The following SORCS1 variants were observed in gnomAD, a reference collection of about 807,000 sequenced individuals.
The protein encoded by SORCS1 is sortilin related VPS10 domain containing receptor 1.
A neutral mutation model predicts 146.1 loss-of-function variants in SORCS1; 60 were observed. The ratio of observed to expected loss-of-function variants is 0.41; its 90% CI spans 0.33 to 0.51. The LOEUF is 0.51. Ranked by LOEUF, SORCS1 falls within the 20% of genes least tolerant of loss-of-function variation. The pLI is 0.21. For synonymous variants in SORCS1, 637 were observed against 584.0 expected, an observed-to-expected ratio of 1.09 and a Z score of -1.31; for missense variants, 1,352 against 1,487.6, an observed-to-expected ratio of 0.91 and a Z score of 1.50.
At chr10:106,875,435 T>C (rs1470238546) in intron 2 of SORCS1, among the ~76,000 whole-genome samples, 2 of 152,194 alleles carry the variant, frequency 1.3e-5, no homozygotes, top group Non-Finnish European at 2.9e-5. Flanking sequence ...CATGTTCAGG[T>C]ATCTTGTTCA....
In SORCS1 at chr10:107,000,125, G is replaced by A. The variant is rs979089607; in HGVS notation, c.559-43545C>T. 2.6e-5 allele frequency among the ~76,000 whole-genome samples: 4 copies of A among 152,160 alleles called. No homozygotes were observed. In the East Asian group the frequency reaches 5.8e-4, roughly 22 times the overall value. ...CCTCTCCCCATCAGCAATTAAGTCC[G>A]CAGAATTAACAATGATTTGAAATAA... On this transcript the variant is annotated intron_variant, in intron 1 of 25. Transcript: ENST00000263054.
chr10:107,088,042 C>T (rs1963891455), intron 1 of SORCS1, among the ~76,000 whole-genome samples: 1 of 152,160 alleles, frequency 6.6e-6, no homozygotes, highest in African/African-American at 2.4e-5. Context: ...CCTCAGCCTC[C>T]CGAGTAGCTG....
intron 2 of SORCS1, among the ~76,000 whole-genome samples, chr10:106,942,781 T>C (rs1192042100): frequency 6.6e-6 from 1 of 152,160 alleles, no homozygotes; most frequent in African/African-American, 2.4e-5. Context: ...TTCCATACCT[T>C]CTCTACCACT....
intron 1 of SORCS1, among the ~76,000 whole-genome samples, chr10:107,125,513 A>T (rs1966665089): frequency 6.6e-6 from 1 of 152,242 alleles, no homozygotes. Context: ...TCATCTTATT[A>T]GTGGTGGCTA....
At chr10:106,763,770 T>C (rs1055125795) in intron 4 of SORCS1, among the ~76,000 whole-genome samples, 2 of 152,228 alleles carry the variant, frequency 1.3e-5, no homozygotes, top group African/African-American at 4.8e-5. Context: ...CAGCCACGTA[T>C]TTATATTTAA....
At chr10:106,669,193 C>A (rs1267900160) in intron 16 of SORCS1, among the ~76,000 whole-genome samples, 1 of 151,964 alleles carries the variant, frequency 6.6e-6, no homozygotes, top group African/African-American at 2.4e-5. Flanking sequence ...AATTGCCTTC[C>A]TTATCTGGTA....
intron 1 of SORCS1, among the ~76,000 whole-genome samples, chr10:107,161,614 A>G (rs1969711824): frequency 6.6e-6 from 1 of 152,088 alleles, no homozygotes; most frequent in Admixed American, 6.5e-5. Context: ...CGGACACTCA[A>G]CTTGCCTCGG....
intron 2 of SORCS1, among the ~76,000 whole-genome samples, chr10:106,916,121 A>G (rs986848947): frequency 2.0e-5 from 3 of 152,106 alleles, no homozygotes; most frequent in African/African-American, 7.2e-5. Context: ...ATAGGCTTTC[A>G]TAAAGATAAA....
intron 1 of SORCS1, among the ~76,000 whole-genome samples, chr10:107,071,289 T>A (rs1962401469): frequency 6.6e-6 from 1 of 152,224 alleles, no homozygotes; most frequent in Non-Finnish European, 1.5e-5. Flanking sequence ...TCTTTTTTTA[T>A]CCATCTATAT....
chr10:106,973,428 GA>G lies in SORCS1; in HGVS notation c.559-16849del, dbSNP rs1378406665. On this transcript the variant is annotated intron_variant, in intron 1 of 25. Coordinates refer to ENST00000263054, the MANE Select transcript of SORCS1 (RefSeq NM_052918.5). ...GCTCCAGAAAATGCAAATCTCCCAG[GA>G]AAGAATCCACTTGTTTCCTGGCCTT... Among the ~76,000 whole-genome samples the G allele has an allele frequency of 2.0e-5, 3 of 152,144 alleles. No homozygotes were observed. The East Asian group carries it at 5.8e-4, about 29-fold the overall frequency.
At chr10:107,090,152 A>G (rs1322449426) in intron 1 of SORCS1, among the ~76,000 whole-genome samples, 1 of 152,066 alleles carries the variant, frequency 6.6e-6, no homozygotes, top group Non-Finnish European at 1.5e-5. Context: ...ATCTCTTCCC[A>G]CTCATTCACG....
At chr10:106,877,178 A>T (rs1032298698) in intron 2 of SORCS1, among the ~76,000 whole-genome samples, 4 of 152,322 alleles carry the variant, frequency 2.6e-5, no homozygotes, top group Non-Finnish European at 4.4e-5. Flanking sequence ...CAAATTATGA[A>T]CAATACAAAA....
chr10:106,946,915 T>C (rs1161370196), intron 2 of SORCS1, among the ~76,000 whole-genome samples: 3 of 152,122 alleles, frequency 2.0e-5, no homozygotes, highest in African/African-American at 7.2e-5. Flanking sequence ...TAAATATACA[T>C]CTGATAACCA....
intron 1 of SORCS1, among the ~76,000 whole-genome samples, chr10:107,101,874 T>C (rs985555113): frequency 1.3e-5 from 2 of 152,154 alleles, no homozygotes; most frequent in Admixed American, 6.5e-5. Context: ...ATAAGTTCTA[T>C]CATGCTTTAT....
In SORCS1 at chr10:106,751,830, C is replaced by T. The variant is rs149398975; in HGVS notation, c.959+9758G>A. Among the ~76,000 whole-genome samples, 30 of 151,946 alleles carry T rather than the reference C, an allele frequency of 2.0e-4. No homozygotes were observed. The East Asian group carries it at 5.6e-3, about 29-fold the overall frequency. On this transcript the variant is annotated intron_variant, in intron 5 of 25. Coordinates refer to ENST00000263054, the MANE Select transcript of SORCS1 (RefSeq NM_052918.5). ...GTGTAAATCTGATGAATTTTAGTAC[C>T]CTGTGTGTGTGTATGCACAAGTTTC...
chr10:107,160,491 T>A (rs1317277882), intron 1 of SORCS1, among the ~76,000 whole-genome samples: 1 of 152,254 alleles, frequency 6.6e-6, no homozygotes, highest in Non-Finnish European at 1.5e-5. Context: ...ACTCAATTTA[T>A]TCACTAATGT....
chr10:106,752,504 C>T (rs1214130232), intron 5 of SORCS1, among the ~76,000 whole-genome samples: 1 of 152,152 alleles, frequency 6.6e-6, no homozygotes, highest in Non-Finnish European at 1.5e-5. Flanking sequence ...CTAGTGCTTA[C>T]TATTACTTAC....
chr10:107,093,045 CT>C (rs1964309914), intron 1 of SORCS1, among the ~76,000 whole-genome samples: 1 of 152,068 alleles, frequency 6.6e-6, no homozygotes, highest in South Asian at 2.1e-4. Flanking sequence ...TCATTTAATC[CT>C]TACAAAAGCC....
At chr10:107,039,967 C>A (rs1791804417) in intron 1 of SORCS1, among the ~76,000 whole-genome samples, 1 of 152,088 alleles carries the variant, frequency 6.6e-6, no homozygotes, top group Non-Finnish European at 1.5e-5. Flanking sequence ...AAAAATTAGC[C>A]AGGCTCCTGC....
Sources: allele counts gnomAD v4.1 joint callset (sites outside exome capture counted in the v4.1 genomes callset), GRCh38; gene constraint gnomAD v4.1.1; transcripts MANE v1.5; gene names NCBI Gene and HGNC (gene_info 2026-07-23, HGNC 2026-07-21).